TBC1D14: variants seen among roughly 807,000 people sequenced by gnomAD.
The protein encoded by TBC1D14 is TBC1 domain family, member 14.
A neutral mutation model predicts 79.0 loss-of-function variants in TBC1D14; 26 were observed. The ratio of observed to expected loss-of-function variants is 0.33; its 90% CI spans 0.24 to 0.46. The LOEUF (loss-of-function observed/expected upper bound fraction) is 0.46, where lower values mean the gene tolerates loss of function less well. Among genes scored for constraint, TBC1D14 ranks in the 20% least tolerant of loss-of-function variants. TBC1D14 has a pLI of 1.00. For missense variants in TBC1D14, 769 were observed against 887.6 expected, an observed-to-expected ratio of 0.87 and a Z score of 1.70; for synonymous variants, 394 against 349.9, an observed-to-expected ratio of 1.13 and a Z score of -1.40.
intron 2 of TBC1D14, among the ~76,000 whole-genome samples, chr4:6,963,773 G>A (rs1715458506): frequency 6.6e-6 from 1 of 152,188 alleles, no homozygotes; most frequent in African/African-American, 2.4e-5. Flanking sequence ...ATGAGCCTAA[G>A]CTCTTATGTT....
At chr4:7,003,074 G>A (rs1290282552) in intron 7 of TBC1D14, among the ~76,000 whole-genome samples, 5 of 152,090 alleles carry the variant, frequency 3.3e-5, no homozygotes, top group Admixed American at 6.5e-5. Flanking sequence ...AGTGAAAGTC[G>A]ACCTAATAGT....
intron 2 of TBC1D14, among the ~76,000 whole-genome samples, chr4:6,949,035 G>T (rs896842723): frequency 6.6e-6 from 1 of 151,682 alleles, no homozygotes; most frequent in Non-Finnish European, 1.5e-5. Flanking sequence ...TTAGCCAGGC[G>T]TGGTGGCGCA....
At chr4:6,925,267 A>G (rs945109656) in intron 2 of TBC1D14, among the ~76,000 whole-genome samples, 8 of 152,164 alleles carry the variant, frequency 5.3e-5, no homozygotes, top group African/African-American at 1.9e-4. Context: ...ACTCCATCTC[A>G]AAAAAACAAA....
chr4:6,959,612 G>A (rs916971737), intron 2 of TBC1D14, among the ~76,000 whole-genome samples: 3 of 152,196 alleles, frequency 2.0e-5, no homozygotes, highest in Admixed American at 6.5e-5. Flanking sequence ...CAGGCTCAGC[G>A]CTCCATGCAG....
chr4:6,914,227 T>G (rs756725692), intron 1 of TBC1D14, among the ~76,000 whole-genome samples: 6 of 152,012 alleles, frequency 3.9e-5, no homozygotes, highest in Non-Finnish European at 5.9e-5. Flanking sequence ...TGAAGGAGCC[T>G]TTGAGGACCC....
rs150366946 is a variant in TBC1D14 at position 6,923,995 on chromosome 4, C to T, written c.606C>T (p.Asn202=). The T allele has an allele frequency of 3.3e-5, 53 of 1,614,028 alleles. No individual in the cohort carries two copies. Among genetic ancestry groups the T allele is most frequent in the Non-Finnish European group, 4.1e-5 (48 of 1,180,026 alleles). The change falls in exon 2 of 14, where the codon AAC becomes AAT. Residue 202 remains asparagine (N), a synonymous_variant. Transcript: ENST00000409757. Reference sequence around the variant, plus strand: ...ATGACGATGACCCACAGTTTACCAACGTCACCTTGAGCTCTATCAAGGAAA... The same window carrying T: ...ATGACGATGACCCACAGTTTACCAATGTCACCTTGAGCTCTATCAAGGAAA... ...LENDDDPQFT[N]VTLSSIKETR... is the part of the protein sequence containing the mutation.
intron 2 of TBC1D14, among the ~76,000 whole-genome samples, chr4:6,955,749 G>C (rs962632408): frequency 2.6e-5 from 4 of 152,200 alleles, no homozygotes; most frequent in African/African-American, 9.6e-5. Flanking sequence ...GAGAGGCTTT[G>C]AGAAAGCCCT....
At chr4:6,912,473 C>T (rs1371949308) in intron 1 of TBC1D14, among the ~76,000 whole-genome samples, 1 of 152,126 alleles carries the variant, frequency 6.6e-6, no homozygotes, top group African/African-American at 2.4e-5. Flanking sequence ...ATCTGGAAGG[C>T]TCTCAGGGAC....
chr4:6,945,003 A>G (rs181810863), intron 2 of TBC1D14, among the ~76,000 whole-genome samples: 2 of 152,294 alleles, frequency 1.3e-5, no homozygotes, highest in Admixed American at 6.5e-5. Context: ...ACCCCAGCTC[A>G]TGTTCCTGAT....
intron 3 of TBC1D14, among the ~76,000 whole-genome samples, chr4:6,969,138 T>C (rs984523382): frequency 2.0e-5 from 3 of 152,252 alleles, no homozygotes; most frequent in Admixed American, 6.5e-5. Context: ...AAATCAGTGT[T>C]GGAATTCATT....
intron 8 of TBC1D14, 124 bp from the exon 9 acceptor site, chr4:7,006,508 A>G (rs1199300833): frequency 5.9e-6 from 4 of 673,222 alleles, no homozygotes; most frequent in East Asian, 2.7e-5. Flanking sequence ...TCAAGATGTG[A>G]TTAGGTCAGT....
At chr4:7,008,030 T>C (rs1354936883) in intron 9 of TBC1D14, among the ~76,000 whole-genome samples, 1 of 152,226 alleles carries the variant, frequency 6.6e-6, no homozygotes, top group Admixed American at 6.5e-5. Flanking sequence ...AATCCATCTT[T>C]TTGAGCCTTA....
At chr4:6,979,550 G>A (rs1432601090) in intron 3 of TBC1D14, among the ~76,000 whole-genome samples, 2 of 152,122 alleles carry the variant, frequency 1.3e-5, no homozygotes, top group Non-Finnish European at 2.9e-5. Context: ...GAGCCCAGGA[G>A]TTTGAGGTTA....
chr4:6,999,552 T>C (rs2109190171), intron 6 of TBC1D14, among the ~76,000 whole-genome samples: 1 of 152,202 alleles, frequency 6.6e-6, no homozygotes, highest in Admixed American at 6.5e-5. Context: ...CCTGCCTTCC[T>C]CGGCAGCCTC....
intron 11 of TBC1D14, 45 bp downstream of exon 11, chr4:7,010,826 T>G: frequency 6.3e-7 from 1 of 1,580,678 alleles, no homozygotes; most frequent in Non-Finnish European, 8.6e-7. Flanking sequence ...TGTCTTTAAA[T>G]GTCAAGAGTT....
intron 10 of TBC1D14, among the ~76,000 whole-genome samples, chr4:7,010,240 A>C (rs139499718): frequency 2.0e-5 from 3 of 152,260 alleles, no homozygotes; most frequent in Admixed American, 6.5e-5. Context: ...CGTTAAAAGC[A>C]GCAACCATTA....
intron 10 of TBC1D14, among the ~76,000 whole-genome samples, chr4:7,010,440 G>C (rs144422123): frequency 1.6e-3 from 238 of 152,238 alleles, no homozygotes; most frequent in Non-Finnish European, 2.9e-3. Context: ...GTGGGAGCAG[G>C]GGTGGGAACT....
At chr4:6,987,450 A>G (rs1475596540) in intron 3 of TBC1D14, 1 of 1,154,280 alleles carries the variant, frequency 8.7e-7, no homozygotes, top group African/African-American at 1.6e-5. Flanking sequence ...GGCCCCGCGC[A>G]GGTGGAGGGT....
In TBC1D14 at chr4:7,025,184, C is replaced by T. The variant is rs374641119; in HGVS notation, c.1938C>T (p.Pro646=). The T allele has an allele frequency of 6.8e-6, 11 of 1,614,088 alleles. No individual in the cohort carries two copies. Among genetic ancestry groups the T allele is most frequent in the African/African-American group, 2.7e-5 (2 of 74,924 alleles). ...TGGCCCAGTTCCTGACCCGGCTGCC[C>T]GAGGACCTGCCCGCCGAGGAGCTGT... ...IHMAQFLTRL[P]EDLPAEELFA... Residue 646 remains proline, a synonymous_variant, in exon 13 of 14, where the codon CCC becomes CCT. Coordinates refer to ENST00000409757, the MANE Select transcript of TBC1D14 (RefSeq NM_020773.3).
Sources: gnomAD v4.1 joint callset for allele counts (sites outside exome capture counted in the v4.1 genomes callset) on GRCh38, gnomAD v4.1.1 for gene constraint, MANE v1.5 for transcripts, NCBI Gene and HGNC (gene_info 2026-07-23, HGNC 2026-07-21) for gene names.